Variants in ELAC2 observed in about 807,000 individuals in gnomAD.
ELAC2 encodes the protein elaC ribonuclease Z 2.
A neutral mutation model predicts 105.2 loss-of-function variants in ELAC2; 92 were observed. The ratio of observed to expected loss-of-function variants is 0.87; its 90% CI spans 0.74 to 1.04. The LOEUF (loss-of-function observed/expected upper bound fraction) is 1.04. Among genes scored for constraint, ELAC2 ranks in the 50% least tolerant of loss-of-function variants. ELAC2 has a pLI of 0.00. For missense variants in ELAC2, 1,099 were observed against 1,071.7 expected (o/e 1.03, Z -0.36); for synonymous variants, 468 against 409.1 (o/e 1.14, Z -1.74).
rs2040237596 is a variant in ELAC2, at chr17:12,992,555, G to A, written c.*263C>T. 1.8e-6 allele frequency: 1 copy of A among 541,066 alleles called. No individual in the cohort carries two copies. Among genetic ancestry groups the A allele is most frequent in the African/African-American group, 1.9e-5 (1 of 53,166 alleles). 33.5% of individuals were successfully genotyped at this position (541,066 alleles called of 1,614,324 possible). On this transcript the variant is annotated 3_prime_UTR_variant, in exon 24 of 24. Transcript: ENST00000338034. ...TGTTTCCAAGACTTCTTTAAAAACT[G>A]CCTTGAAATGAAATTAGTTCATCTG...
chr17:12,998,659 CG>C (rs1412603107), intron 15 of ELAC2, 151 bp from the exon 16 acceptor site: 8 of 767,314 alleles, frequency 1.0e-5, no homozygotes, highest in Non-Finnish European at 1.8e-5. Flanking sequence ...TTTTGGGAGG[CG>C]GGGCCTAGTG....
At chr17:12,998,569 G>T in intron 15 of ELAC2, 61 bp from the exon 16 acceptor site, 2 of 1,444,502 alleles carry the variant, frequency 1.4e-6, no homozygotes, top group South Asian at 1.1e-5. Context: ...CCAGCATGCA[G>T]CCATGAGAAG....
chr17:12,996,246 A>G, intron 17 of ELAC2: 2 of 626,870 alleles, frequency 3.2e-6, no homozygotes, highest in Admixed American at 2.8e-5. Flanking sequence ...TCTCATAGCC[A>G]CACCTCCTGC....
intron 23 of ELAC2, 79 bp downstream of exon 23, chr17:12,993,608 G>C: frequency 6.2e-7 from 1 of 1,601,006 alleles, no homozygotes; most frequent in Non-Finnish European, 8.5e-7. Context: ...GCAAACTCCA[G>C]CTGACCGTCC....
rs368224489 is a variant in ELAC2, at chr17:13,011,195, G to A, written c.679+468C>T. On this transcript the variant is annotated intron_variant, in intron 7 of 23. Transcript: ENST00000338034. ...GTTAAGGACAACAAACTCCCGAAGCGGCCTGACTCCTGAGCTACATCTCAT... is the reference window on the plus strand; with the variant it reads ...GTTAAGGACAACAAACTCCCGAAGCAGCCTGACTCCTGAGCTACATCTCAT... Among the ~76,000 whole-genome samples, 159 of 152,234 alleles carry A rather than the reference G, an allele frequency of 1.0e-3. 2 individuals carry two copies. The South Asian group carries it at 0.027, about 26-fold the overall frequency.
chr17:12,999,654 C>T (rs1049635071), intron 15 of ELAC2, among the ~76,000 whole-genome samples: 1 of 127,434 alleles, frequency 7.8e-6, no homozygotes, highest in African/African-American at 2.9e-5. Flanking sequence ...GGATGGGGCA[C>T]AGGAATTGGG....
chr17:13,005,621 C>T lies in ELAC2; in HGVS notation c.870+132G>A. 11 of 901,902 alleles carry T rather than the reference C, an allele frequency of 1.2e-5. No individual in the cohort carries two copies. The South Asian group carries it at 1.5e-4, about 12-fold the overall frequency. 55.9% of individuals were successfully genotyped at this position (901,902 alleles called of 1,614,324 possible). A position where few individuals can be genotyped will look rare whatever the true frequency, so the allele number is the denominator to read the frequency against. The stretch of plus-strand genomic sequence containing the variant: ...ACAGATAAAAGAGGCCATTTTATCA[C>T]TTAGCTGAGTGATGTCCAAACTGTT... On this transcript the variant is annotated intron_variant, in intron 10 of 23. Transcript: ENST00000338034.
intron 16 of ELAC2, 65 bp from the exon 17 acceptor site, chr17:12,996,750 T>G: frequency 6.3e-7 from 1 of 1,588,256 alleles, no homozygotes; most frequent in Non-Finnish European, 8.6e-7. Context: ...CAGAGGCTGA[T>G]GTCTGCTTTG....
At chr17:13,009,990 C>CA (rs1157775345) in intron 8 of ELAC2, among the ~76,000 whole-genome samples, 956 of 76,064 alleles carry the variant, frequency 0.013, 19 homozygotes, top group South Asian at 0.11. Flanking sequence ...GACATGGTCT[C>CA]AAAAAAAAAA....
intron 3 of ELAC2, among the ~76,000 whole-genome samples, chr17:13,016,538 A>C (rs1359506486): frequency 4.6e-5 from 7 of 151,898 alleles, no homozygotes; most frequent in Non-Finnish European, 1.0e-4. Flanking sequence ...TAATCCCAGC[A>C]CTCTGGGAGG....
chr17:13,008,646 C>T (rs1233945442), intron 8 of ELAC2, among the ~76,000 whole-genome samples: 2 of 152,190 alleles, frequency 1.3e-5, no homozygotes, highest in African/African-American at 4.8e-5. Flanking sequence ...AGCCAGAACG[C>T]AGCCAATAAC....
rs904810480 is a variant in ELAC2 at position 12,995,968 on chromosome 17, C to G, written c.1670G>C (p.Ser557Thr). Reference protein sequence around the residue: ...LHADHHTGLPSILLQRERALA... With the variant: ...LHADHHTGLPTILLQRERALA... ...GGCGCGTTCTCTCTGCAGCAAGATA[C>G]TTGGCAAGCCCTGGCAAGGAAACAG... is the stretch of plus-strand genomic sequence containing the variant. Residue 557 changes from serine to threonine, a missense_variant, in exon 18 of 24, where the codon AGT becomes ACT. Physicochemically the swap from Ser to Thr is moderately conservative, Grantham distance 58. Transcript: ENST00000338034. The G allele has an allele frequency of 1.3e-6, 2 of 1,596,132 alleles. No homozygotes were observed. The highest frequency in any genetic ancestry group is 1.7e-5 in the Admixed American group (1 of 58,198).
At position 12,992,421 on chromosome 17, in the gene ELAC2, T is replaced by A; in HGVS notation, c.*397A>T. On this transcript the variant is annotated 3_prime_UTR_variant, in exon 24 of 24. Coordinates refer to ENST00000338034, the MANE Select transcript of ELAC2 (RefSeq NM_018127.7). The stretch of plus-strand genomic sequence containing the variant: ...AACTCAATCTTTATTGCAGCTGAAA[T>A]ACTATTTTCGTTAAGTCTCGGACAC... 2.7e-6 allele frequency: 1 copy of A among 370,914 alleles called. No individual in the cohort carries two copies. Among genetic ancestry groups the A allele is most frequent in the Middle Eastern group, 7.8e-4 (1 of 1,288 alleles). The allele number at this position is 370,914 out of a possible 1,614,324, so 23.0% of individuals were successfully genotyped here. A position where few individuals can be genotyped will look rare whatever the true frequency, so the allele number is the denominator to read the frequency against.
chr17:13,014,153 C>T (rs1342307455), intron 5 of ELAC2, among the ~76,000 whole-genome samples: 2 of 151,848 alleles, frequency 1.3e-5, no homozygotes, highest in African/African-American at 2.4e-5. Context: ...ATTAGCTGAG[C>T]GTGATGGCAT....
At chr17:13,009,749 G>A (rs752077962) in intron 8 of ELAC2, among the ~76,000 whole-genome samples, 5 of 152,168 alleles carry the variant, frequency 3.3e-5, no homozygotes, top group Non-Finnish European at 7.3e-5. Flanking sequence ...CCAGCATTTT[G>A]GGAGGCCAAG....
rs374828631 is a variant in ELAC2 at position 13,001,221 on chromosome 17, C to T, written c.1305-947G>A. 9.4e-4 allele frequency among the ~76,000 whole-genome samples: 143 copies of T among 152,308 alleles called. 2 individuals carry two copies. In the South Asian group the frequency reaches 0.026, roughly 28 times the overall value. The stretch of plus-strand genomic sequence containing the variant: ...TCCTTAAAAATTAAAACAGGCCGGG[C>T]ACGGCTCACGCCTGTAATCCCAACA... On this transcript the variant is annotated intron_variant, in intron 14 of 23. Transcript: ENST00000338034.
intron 8 of ELAC2, 149 bp downstream of exon 8, chr17:13,010,464 C>T (rs111765286): frequency 3.1e-5 from 23 of 747,744 alleles, no homozygotes; most frequent in African/African-American, 6.9e-5. Flanking sequence ...CCACTGCACC[C>T]GGCCTTCCAT....
chr17:13,015,609 G>A (rs923617319), intron 4 of ELAC2, among the ~76,000 whole-genome samples, 159 bp downstream of exon 4: 1 of 152,194 alleles, frequency 6.6e-6, no homozygotes, highest in African/African-American at 2.4e-5. Flanking sequence ...AGGTCACATA[G>A]TTAATCAGAA....
At chr17:12,996,064 A>C in intron 17 of ELAC2, 86 bp from the exon 18 acceptor site, 1 of 1,467,722 alleles carries the variant, frequency 6.8e-7, no homozygotes, top group Non-Finnish European at 9.3e-7. Flanking sequence ...CTCTTGCAGG[A>C]GTTGCCAGCC....
Sources: gnomAD v4.1 joint callset for allele counts (sites outside exome capture counted in the v4.1 genomes callset) on GRCh38, gnomAD v4.1.1 for gene constraint, MANE v1.5 for transcripts, NCBI Gene and HGNC (gene_info 2026-07-23, HGNC 2026-07-21) for gene names.